Variants in PHACTR4 observed in about 807,000 individuals in gnomAD.
PHACTR4 encodes the protein phosphatase and actin regulator 4, also known as protein phosphatase 1, regulatory subunit 124.
Under a neutral mutation model 72.7 loss-of-function variants are expected in PHACTR4, and 51 were observed. The observed-to-expected ratio is 0.70, with a 90% CI of 0.56 to 0.89. The LOEUF (loss-of-function observed/expected upper bound fraction) is 0.89, where lower values mean the gene tolerates loss of function less well. PHACTR4 is among the 40% of genes least tolerant of loss of function. PHACTR4 has a pLI of 0.00. For synonymous variants in PHACTR4, 255 were observed against 302.5 expected (o/e 0.84, Z 1.63); for missense variants, 731 against 861.8 (o/e 0.85, Z 1.90).
intron 2 of PHACTR4, among the ~76,000 whole-genome samples, chr1:28,457,673 C>A (rs1032030587): frequency 1.3e-5 from 2 of 151,846 alleles, no homozygotes; most frequent in African/African-American, 2.4e-5. Flanking sequence ...GACCTTTTTA[C>A]CCTCCTCCAA....
intron 9 of PHACTR4, among the ~76,000 whole-genome samples, chr1:28,487,727 GTTTTTTTT>G (rs780028378): frequency 3.2e-5 from 2 of 63,304 alleles, no homozygotes; most frequent in Non-Finnish European, 6.5e-5. Context: ...GTTTTTTGTT[GTTTTTTTT>G]TTTTTTTTTT....
At chr1:28,458,242 A>T (rs1053242820) in intron 2 of PHACTR4, among the ~76,000 whole-genome samples, 2 of 151,694 alleles carry the variant, frequency 1.3e-5, no homozygotes, top group South Asian at 4.2e-4. Flanking sequence ...CCCAGGCTCA[A>T]GCCATCTTCC....
intron 2 of PHACTR4, among the ~76,000 whole-genome samples, chr1:28,419,213 A>C (rs1204009835): frequency 6.7e-6 from 1 of 149,392 alleles, no homozygotes; most frequent in East Asian, 1.9e-4. Context: ...CGAACTCCTG[A>C]AATTAAGTAA....
At chr1:28,496,435 G>A in intron 13 of PHACTR4, 99 bp from the exon 14 acceptor site, 1 of 1,310,636 alleles carries the variant, frequency 7.6e-7, no homozygotes, top group Non-Finnish European at 1.1e-6. Context: ...CAGAGGAAAG[G>A]CAGTGTTAAT....
At chr1:28,373,187 G>T (rs1651374296) in intron 1 of PHACTR4, among the ~76,000 whole-genome samples, 1 of 152,052 alleles carries the variant, frequency 6.6e-6, no homozygotes, top group African/African-American at 2.4e-5. Flanking sequence ...TTGAACTCCT[G>T]GACTCAAGCA....
At chr1:28,378,371 G>A (rs1461138045) in intron 1 of PHACTR4, among the ~76,000 whole-genome samples, 1 of 150,712 alleles carries the variant, frequency 6.6e-6, no homozygotes, top group Non-Finnish European at 1.5e-5. Flanking sequence ...GCGTGTGGTG[G>A]CAAGTGCCTG....
At chr1:28,470,019 A>G (rs192489883) in intron 6 of PHACTR4, among the ~76,000 whole-genome samples, 1 of 151,768 alleles carries the variant, frequency 6.6e-6, no homozygotes, top group Admixed American at 6.6e-5. Flanking sequence ...AAATTGCACC[A>G]CTGTACTCCA....
chr1:28,468,100 C>T (rs1448120485), intron 6 of PHACTR4, among the ~76,000 whole-genome samples: 5 of 152,086 alleles, frequency 3.3e-5, no homozygotes, highest in Non-Finnish European at 7.3e-5. Context: ...ATGAGTATGA[C>T]AGTTTGGAGT....
At chr1:28,377,967 G>T (rs1413042506) in intron 1 of PHACTR4, among the ~76,000 whole-genome samples, 1 of 151,962 alleles carries the variant, frequency 6.6e-6, no homozygotes, top group Non-Finnish European at 1.5e-5. Flanking sequence ...GGAGGCTGAG[G>T]CGGGCGGATC....
At chr1:28,397,303 C>T (rs1277300047) in intron 1 of PHACTR4, among the ~76,000 whole-genome samples, 1 of 152,058 alleles carries the variant, frequency 6.6e-6, no homozygotes, top group African/African-American at 2.4e-5. Context: ...CACTTGAATC[C>T]CCAAAGACAA....
At chr1:28,484,996 A>G (rs1362361516) in intron 9 of PHACTR4, among the ~76,000 whole-genome samples, 1 of 148,454 alleles carries the variant, frequency 6.7e-6, no homozygotes, top group Non-Finnish European at 1.5e-5. Context: ...TTATACATAC[A>G]GTGGAATATT....
At chr1:28,399,247 G>C (rs959457658) in intron 1 of PHACTR4, among the ~76,000 whole-genome samples, 1 of 151,772 alleles carries the variant, frequency 6.6e-6, no homozygotes, top group Non-Finnish European at 1.5e-5. Context: ...AGGAGGCGGG[G>C]GTTATAGTAA....
chr1:28,422,961 G>C (rs1655602749), intron 2 of PHACTR4, among the ~76,000 whole-genome samples: 1 of 152,192 alleles, frequency 6.6e-6, no homozygotes, highest in Non-Finnish European at 1.5e-5. Flanking sequence ...TAATGTTTTT[G>C]TAGTTTTAGT....
chr1:28,403,134 A>G (rs887154962), intron 1 of PHACTR4, among the ~76,000 whole-genome samples: 1 of 152,100 alleles, frequency 6.6e-6, no homozygotes, highest in Non-Finnish European at 1.5e-5. Context: ...TTTGAGGCAG[A>G]CTCTGATAGT....
chr1:28,491,003 C>T lies in PHACTR4; in HGVS notation c.1869C>T (p.Leu623=), dbSNP rs542284544. The T allele has an allele frequency of 4.3e-6, 7 of 1,613,488 alleles. No homozygotes were observed. The African/African-American group carries it at 6.7e-5, about 15-fold the overall frequency. ...QAEKREIKRR[L]TRKLSQRPTV... ...AAAAACGAGAAATTAAACGTCGGCT[C>T]ACTAGAAAGGTACTACTGCCTGTGT... The change falls in exon 11 of 14, where the codon CTC becomes CTT. Residue 623 remains leucine (L), a synonymous_variant. Coordinates refer to ENST00000373839, the MANE Select transcript of PHACTR4 (RefSeq NM_001048183.3).
chr1:28,379,267 C>A (rs1036191173), intron 1 of PHACTR4, among the ~76,000 whole-genome samples: 4 of 129,712 alleles, frequency 3.1e-5, no homozygotes, highest in Non-Finnish European at 6.4e-5. Flanking sequence ...TAATTTCTTT[C>A]TTTCTTTTTT....
chr1:28,455,200 T>TTC (rs1180879099), intron 2 of PHACTR4, among the ~76,000 whole-genome samples: 8 of 133,996 alleles, frequency 6.0e-5, no homozygotes, highest in African/African-American at 1.8e-4. Context: ...CTTTCTTTCT[T>TTC]TTTTTTTTTT....
chr1:28,482,426 A>G (rs1221587652), intron 9 of PHACTR4, among the ~76,000 whole-genome samples: 2 of 152,102 alleles, frequency 1.3e-5, no homozygotes, highest in African/African-American at 4.8e-5. Context: ...TTTCAAGTCA[A>G]CTGGAACCAA....
chr1:28,374,435 A>G (rs908792098), intron 1 of PHACTR4, among the ~76,000 whole-genome samples: 1 of 152,230 alleles, frequency 6.6e-6, no homozygotes, highest in Non-Finnish European at 1.5e-5. Context: ...AGTACATGCC[A>G]TGAATGTGAC....
Sources: allele counts gnomAD v4.1 joint callset (sites outside exome capture counted in the v4.1 genomes callset), GRCh38; gene constraint gnomAD v4.1.1; transcripts MANE v1.5; gene names NCBI Gene and HGNC (gene_info 2026-07-23, HGNC 2026-07-21).